ERBB4: variants seen among roughly 807,000 people sequenced by gnomAD.
The protein encoded by ERBB4 is erb-b2 receptor tyrosine kinase 4.
ERBB4 carries 42 observed loss-of-function variants against 158.0 expected under a neutral mutation model. The observed-to-expected ratio is 0.27, with a 90% CI of 0.21 to 0.34. The LOEUF is 0.34. Ranked by LOEUF, ERBB4 falls within the 10% of genes least tolerant of loss-of-function variation. The probability of loss-of-function intolerance (pLI) is 1.00; values close to 1 mark genes in which losing one functional copy is unlikely to be tolerated. For missense variants in ERBB4, 1,333 were observed against 1,624.1 expected (o/e 0.82, Z 3.08); for synonymous variants, 583 against 558.7 (o/e 1.04, Z -0.61).
At chr2:211,960,993 G>C (rs1377537991) in intron 2 of ERBB4, among the ~76,000 whole-genome samples, 1 of 152,082 alleles carries the variant, frequency 6.6e-6, no homozygotes, top group Non-Finnish European at 1.5e-5. Context: ...AGGTGAAACT[G>C]AGCATAAGCT....
At chr2:212,444,002 A>G (rs1002586964) in intron 1 of ERBB4, among the ~76,000 whole-genome samples, 2 of 152,074 alleles carry the variant, frequency 1.3e-5, no homozygotes, top group African/African-American at 4.8e-5. Context: ...TCCATCACCA[A>G]ACGGAAGTGG....
intron 2 of ERBB4, among the ~76,000 whole-genome samples, chr2:212,000,537 T>C (rs2125277915): frequency 6.6e-6 from 1 of 151,956 alleles, no homozygotes; most frequent in African/African-American, 2.4e-5. Flanking sequence ...CCCTCTGTTT[T>C]ATGGCAAATA....
chr2:211,883,717 A>G (rs1478028424), intron 3 of ERBB4, among the ~76,000 whole-genome samples: 1 of 152,154 alleles, frequency 6.6e-6, no homozygotes, highest in African/African-American at 2.4e-5. Context: ...GCTTGAACCC[A>G]GGAGGTGGAG....
chr2:212,250,092 G>T (rs1168375509), intron 1 of ERBB4, among the ~76,000 whole-genome samples: 1 of 151,818 alleles, frequency 6.6e-6, no homozygotes, highest in Non-Finnish European at 1.5e-5. Context: ...AAATTTATTG[G>T]GGCTTAATTC....
chr2:212,021,720 A>T (rs11684933), intron 2 of ERBB4, among the ~76,000 whole-genome samples: 12,194 of 152,192 alleles, frequency 0.08, 688 homozygotes, highest in Non-Finnish European at 0.12. Context: ...AGATTGATAA[A>T]TGGGATCTAA....
chr2:211,594,088 G>A (rs1341823899), intron 19 of ERBB4, among the ~76,000 whole-genome samples: 2 of 151,856 alleles, frequency 1.3e-5, no homozygotes, highest in South Asian at 2.1e-4. Flanking sequence ...AAATTCCATC[G>A]AGGCATATCC....
intron 2 of ERBB4, among the ~76,000 whole-genome samples, chr2:212,065,785 A>G (rs762601402): frequency 2.0e-5 from 3 of 152,094 alleles, no homozygotes; most frequent in Admixed American, 6.6e-5. Flanking sequence ...AACGGAGTAC[A>G]GTCACTTTCT....
intron 25 of ERBB4, among the ~76,000 whole-genome samples, chr2:211,393,740 C>CATGTGTGTGTGTGT (rs1391184856): frequency 1.4e-5 from 2 of 146,240 alleles, no homozygotes; most frequent in Non-Finnish European, 3.0e-5. Context: ...GAGTTAATAG[C>CATGTGTGTGTGTGT]GTGTGTGTGT....
At chr2:211,872,588 C>T (rs529848976) in intron 3 of ERBB4, among the ~76,000 whole-genome samples, 5 of 152,096 alleles carry the variant, frequency 3.3e-5, no homozygotes, top group Non-Finnish European at 7.4e-5. Context: ...AATTCAGAGT[C>T]ATGCTAGAAT....
At chr2:212,062,144 T>C (rs2077791959) in intron 2 of ERBB4, among the ~76,000 whole-genome samples, 1 of 152,186 alleles carries the variant, frequency 6.6e-6, no homozygotes, top group South Asian at 2.1e-4. Flanking sequence ...ATCTATTCTG[T>C]TTTTCAATAT....
intron 20 of ERBB4, among the ~76,000 whole-genome samples, chr2:211,490,342 T>C (rs1259951749): frequency 6.6e-6 from 1 of 152,058 alleles, no homozygotes; most frequent in Non-Finnish European, 1.5e-5. Context: ...ATAAGTTATA[T>C]ATTGAATTTA....
intron 7 of ERBB4, among the ~76,000 whole-genome samples, chr2:211,718,160 C>A (rs530070302): frequency 6.6e-6 from 1 of 152,264 alleles, no homozygotes; most frequent in African/African-American, 2.4e-5. Flanking sequence ...GATCTGTCCA[C>A]CTCAGCCTTC....
At chr2:212,202,595 C>T (rs968598345) in intron 1 of ERBB4, among the ~76,000 whole-genome samples, 11 of 152,106 alleles carry the variant, frequency 7.2e-5, no homozygotes, top group Non-Finnish European at 1.2e-4. Context: ...CCCACCTAAG[C>T]CTCCCAAATT....
At chr2:211,978,208 A>G (rs928894566) in intron 2 of ERBB4, among the ~76,000 whole-genome samples, 3 of 152,004 alleles carry the variant, frequency 2.0e-5, no homozygotes, top group African/African-American at 4.8e-5. Flanking sequence ...CCTCTCTGGC[A>G]GTTGGGTAAG....
chr2:211,412,950 C>CAAAA (rs113603752), intron 25 of ERBB4, among the ~76,000 whole-genome samples: 20 of 121,094 alleles, frequency 1.7e-4, no homozygotes, highest in African/African-American at 6.5e-4. Flanking sequence ...GGGACTGTCT[C>CAAAA]AAAAAAAAAA....
chr2:212,163,918 A>T (rs1048427996), intron 1 of ERBB4, among the ~76,000 whole-genome samples: 1 of 151,936 alleles, frequency 6.6e-6, no homozygotes, highest in Admixed American at 6.6e-5. Context: ...TTGGCCTTCC[A>T]AGTAGCTGAG....
At chr2:212,055,323 T>G (rs892734845) in intron 2 of ERBB4, among the ~76,000 whole-genome samples, 3 of 152,134 alleles carry the variant, frequency 2.0e-5, no homozygotes, top group South Asian at 2.1e-4. Flanking sequence ...GTGGAGCCCA[T>G]GACAGCTGAA....
intron 2 of ERBB4, among the ~76,000 whole-genome samples, chr2:212,064,185 AC>A (rs2077870220): frequency 6.6e-6 from 1 of 151,986 alleles, no homozygotes; most frequent in African/African-American, 2.4e-5. Flanking sequence ...AAAAACCAAA[AC>A]TATTATTTAC....
intron 3 of ERBB4, among the ~76,000 whole-genome samples, chr2:211,940,015 A>T (rs541083882): frequency 6.6e-6 from 1 of 152,032 alleles, no homozygotes; most frequent in South Asian, 2.1e-4. Flanking sequence ...ATAGAGATAG[A>T]TATAGATTTG....
Sources: allele counts gnomAD v4.1 joint callset (sites outside exome capture counted in the v4.1 genomes callset), GRCh38; gene constraint gnomAD v4.1.1; transcripts MANE v1.5; gene names NCBI Gene and HGNC (gene_info 2026-07-23, HGNC 2026-07-21).